Variants in DTWD2 observed in about 807,000 individuals in gnomAD.
DTWD2 encodes tRNA-uridine aminocarboxypropyltransferase 2.
DTWD2 carries 39 observed loss-of-function variants against 31.8 expected under a neutral mutation model. The observed-to-expected ratio is 1.22, with a 90% CI of 0.95 to 1.60. DTWD2 has a LOEUF of 1.60. DTWD2 is among the 40% of genes most tolerant of loss of function. The pLI, the probability that DTWD2 is intolerant of heterozygous loss-of-function variation, is 0.00. For missense variants in DTWD2, 515 were observed against 381.5 expected (o/e 1.35, Z -2.92); for synonymous variants, 180 against 142.8 (o/e 1.26, Z -1.86).
At chr5:118,848,420 C>T (rs2112675915) in intron 4 of DTWD2, among the ~76,000 whole-genome samples, 1 of 152,154 alleles carries the variant, frequency 6.6e-6, no homozygotes, top group South Asian at 2.1e-4. Context: ...GACATATCCA[C>T]AATATATACA....
At chr5:118,954,380 T>G (rs1754538557) in intron 1 of DTWD2, among the ~76,000 whole-genome samples, 1 of 152,210 alleles carries the variant, frequency 6.6e-6, no homozygotes, top group African/African-American at 2.4e-5. Context: ...TATTTGACAT[T>G]ATGTTAGCTG....
chr5:118,848,127 GC>G lies in DTWD2; in HGVS notation c.688del (p.Ala230LeufsTer41). ...CLSTLECAAV[A>X]LSILEKNNYI... ...ATTATTTTTCTCCAAGATGGAAAGA[GC>G]AACAGCTGCACACTCCAGTGTAGAA... On this transcript the variant is annotated frameshift_variant, in exon 5 of 6. Coordinates refer to ENST00000510708, the MANE Select transcript of DTWD2 (RefSeq NM_173666.4). LOFTEE classifies it high-confidence loss of function. 6.3e-7 allele frequency: 1 copy of G among 1,587,394 alleles called. No individual in the cohort carries two copies.
chr5:118,962,473 G>A (rs1358010841), intron 1 of DTWD2, among the ~76,000 whole-genome samples: 1 of 152,044 alleles, frequency 6.6e-6, no homozygotes, highest in African/African-American at 2.4e-5. Flanking sequence ...TATTTATGGT[G>A]ACCTGCCGCA....
chr5:118,951,732 A>C (rs1333953275), intron 1 of DTWD2, among the ~76,000 whole-genome samples: 1 of 152,140 alleles, frequency 6.6e-6, no homozygotes, highest in Non-Finnish European at 1.5e-5. Context: ...ATAGTGAAGG[A>C]AGCAAGCCCA....
chr5:118,876,299 G>C (rs1752619994), intron 4 of DTWD2, among the ~76,000 whole-genome samples: 1 of 152,034 alleles, frequency 6.6e-6, no homozygotes, highest in South Asian at 2.1e-4. Flanking sequence ...AAAAGAACTA[G>C]AGGACCAAGA....
At chr5:118,964,838 T>C (rs1580442424) in intron 1 of DTWD2, among the ~76,000 whole-genome samples, 1 of 152,160 alleles carries the variant, frequency 6.6e-6, no homozygotes, top group Non-Finnish European at 1.5e-5. Flanking sequence ...AGTGCCGAGA[T>C]TGCAGCCTCT....
At chr5:118,932,366 C>A (rs1052948274) in intron 3 of DTWD2, among the ~76,000 whole-genome samples, 4 of 148,312 alleles carry the variant, frequency 2.7e-5, no homozygotes, top group Admixed American at 2.0e-4. Context: ...GCAATTTAAG[C>A]CTGAAGCAAG....
chr5:118,844,386 T>A (rs1402904728), intron 5 of DTWD2, among the ~76,000 whole-genome samples: 2 of 152,198 alleles, frequency 1.3e-5, no homozygotes, highest in Admixed American at 6.5e-5. Flanking sequence ...TTCCAAGGTA[T>A]GAAAAGTCCT....
At chr5:118,841,330 A>C (rs1751708888) in intron 5 of DTWD2, among the ~76,000 whole-genome samples, 1 of 152,218 alleles carries the variant, frequency 6.6e-6, no homozygotes, top group Non-Finnish European at 1.5e-5. Context: ...GATTTTCCAC[A>C]TAGGTAATAA....
At position 118,836,918 on chromosome 5, in the gene DTWD2, C is replaced by T. The variant is rs1473412053; in HGVS notation, c.*3999G>A. Among the ~76,000 whole-genome samples, 2 of 152,064 alleles carry T rather than the reference C, an allele frequency of 1.3e-5. No homozygotes were observed. The highest frequency in any genetic ancestry group is 1.5e-5 in the Non-Finnish European group (1 of 68,004). ...AGTCTCTGGTATTCTGAGAGAGCAG[C>T]CAGAATGGACTAAGACAGGAGTCAA... On this transcript the variant is annotated 3_prime_UTR_variant, in exon 6 of 6. Transcript: ENST00000510708.
chr5:118,972,832 A>C (rs527941100), intron 1 of DTWD2, among the ~76,000 whole-genome samples: 52 of 152,228 alleles, frequency 3.4e-4, no homozygotes, highest in Non-Finnish European at 2.2e-4. Flanking sequence ...ACGTGAATCC[A>C]TAAGTGTAAT....
intron 4 of DTWD2, among the ~76,000 whole-genome samples, chr5:118,875,694 G>A (rs1752605771): frequency 6.6e-6 from 1 of 151,960 alleles, no homozygotes; most frequent in Non-Finnish European, 1.5e-5. Context: ...GCCCAACACA[G>A]GAGCATCCAG....
chr5:118,891,152 T>C (rs1007328564), intron 4 of DTWD2, among the ~76,000 whole-genome samples: 6 of 152,198 alleles, frequency 3.9e-5, no homozygotes, highest in Admixed American at 3.9e-4. Flanking sequence ...TTTTTCCATT[T>C]GTATTTAGGT....
At chr5:118,848,028 T>G in intron 5 of DTWD2, 62 bp downstream of exon 5, 1 of 1,417,668 alleles carries the variant, frequency 7.1e-7, no homozygotes, top group Non-Finnish European at 9.3e-7. Flanking sequence ...CATGTCTAAA[T>G]CTTCTAGGTA....
chr5:118,841,499 T>C (rs775535029), intron 5 of DTWD2, among the ~76,000 whole-genome samples: 5 of 152,210 alleles, frequency 3.3e-5, no homozygotes, highest in South Asian at 2.1e-4. Flanking sequence ...GCAAGCTTAC[T>C]GACACCTGAC....
intron 1 of DTWD2, among the ~76,000 whole-genome samples, chr5:118,956,361 C>T (rs1754587464): frequency 6.6e-6 from 1 of 152,150 alleles, no homozygotes; most frequent in South Asian, 2.1e-4. Flanking sequence ...CAAGGAAATT[C>T]TGTGAAATAA....
intron 4 of DTWD2, among the ~76,000 whole-genome samples, chr5:118,884,799 G>A (rs1287268259): frequency 6.6e-6 from 1 of 151,798 alleles, no homozygotes; most frequent in East Asian, 1.9e-4. Context: ...AAGGTTAGGA[G>A]ATCCAGACCA....
chr5:118,867,925 C>T (rs1404267915), intron 4 of DTWD2, among the ~76,000 whole-genome samples: 1 of 152,038 alleles, frequency 6.6e-6, no homozygotes, highest in African/African-American at 2.4e-5. Flanking sequence ...AACAAAACAA[C>T]CCTAAAATTC....
intron 1 of DTWD2, among the ~76,000 whole-genome samples, chr5:118,950,473 C>G (rs959142239): frequency 6.6e-6 from 1 of 152,182 alleles, no homozygotes; most frequent in African/African-American, 2.4e-5. Context: ...CAGTGTCAGT[C>G]TTCAGCTGCT....
Sources: allele counts gnomAD v4.1 joint callset (sites outside exome capture counted in the v4.1 genomes callset), GRCh38; gene constraint gnomAD v4.1.1; transcripts MANE v1.5; gene names NCBI Gene and HGNC (gene_info 2026-07-23, HGNC 2026-07-21).